GALNT13: variants seen among roughly 807,000 people sequenced by gnomAD.
GALNT13 encodes the protein polypeptide N-acetylgalactosaminyltransferase 13, also known as UDP-GalNAc:polypeptide N-acetylgalactosaminyltransferase 13.
A neutral mutation model predicts 64.2 loss-of-function variants in GALNT13; 28 were observed. The ratio of observed to expected loss-of-function variants is 0.44; its 90% CI spans 0.32 to 0.60. GALNT13 has a LOEUF of 0.60. GALNT13 is among the 20% of genes least tolerant of loss of function. The pLI, the probability that GALNT13 is intolerant of heterozygous loss-of-function variation, is 0.05. For synonymous variants in GALNT13, 214 were observed against 224.6 expected (o/e 0.95, Z 0.42); for missense variants, 577 against 669.8 (o/e 0.86, Z 1.53).
the GALNT13 span, among the ~76,000 whole-genome samples, chr2:153,125,590 G>A: frequency 9.2e-5 from 14 of 152,146 alleles, no homozygotes; most frequent in Non-Finnish European, 1.8e-4. Context: ...TATGAAAAGG[G>A]GCAATTTGTG....
the GALNT13 span, among the ~76,000 whole-genome samples, chr2:153,778,333 G>A: frequency 6.6e-6 from 1 of 152,200 alleles, no homozygotes; most frequent in Non-Finnish European, 1.5e-5. Context: ...TGGGCACCAA[G>A]GCAGGAGTGC....
the GALNT13 span, chr2:153,593,282 G>A: frequency 6.6e-6 from 1 of 152,540 alleles, no homozygotes; most frequent in Non-Finnish European, 1.5e-5. Context: ...TTGCGTGAGA[G>A]CAGAGTGAGG....
chr2:153,741,661 G>A, the GALNT13 span, among the ~76,000 whole-genome samples: 1 of 151,838 alleles, frequency 6.6e-6, no homozygotes, highest in Admixed American at 6.6e-5. Context: ...TATACCACTT[G>A]TATTTTTATT....
the GALNT13 span, among the ~76,000 whole-genome samples, chr2:153,590,328 G>C: frequency 1.8e-4 from 28 of 152,090 alleles, no homozygotes; most frequent in African/African-American, 6.0e-4. Context: ...CAAATAGTGA[G>C]ATTGAATTAG....
At chr2:153,649,438 G>A in the GALNT13 span, among the ~76,000 whole-genome samples, 1 of 150,832 alleles carries the variant, frequency 6.6e-6, no homozygotes, top group Non-Finnish European at 1.5e-5. Flanking sequence ...TTAATTTTTT[G>A]AAGGGTTTTT....
At chr2:153,560,482 C>G in the GALNT13 span, among the ~76,000 whole-genome samples, 4 of 151,888 alleles carry the variant, frequency 2.6e-5, no homozygotes, top group African/African-American at 9.7e-5. Context: ...ATACTTAAAT[C>G]TTAGACTCAT....
the GALNT13 span, among the ~76,000 whole-genome samples, chr2:153,395,051 C>T: frequency 6.6e-6 from 1 of 152,184 alleles, no homozygotes; most frequent in Admixed American, 6.5e-5. Context: ...AGAGACCACT[C>T]TTAGATCCTA....
At chr2:153,115,854 T>C in the GALNT13 span, among the ~76,000 whole-genome samples, 358 of 152,318 alleles carry the variant, frequency 2.4e-3, no homozygotes, top group South Asian at 3.9e-3. Flanking sequence ...AGACTCCTTT[T>C]CTGTGAACCA....
the GALNT13 span, among the ~76,000 whole-genome samples, chr2:153,221,412 C>G: frequency 2.0e-5 from 3 of 152,160 alleles, no homozygotes; most frequent in Non-Finnish European, 2.9e-5. Flanking sequence ...AAAAATACAT[C>G]ATGATAGCAC....
chr2:154,216,128 T>C (rs2105811591), intron 4 of GALNT13, among the ~76,000 whole-genome samples: 1 of 152,246 alleles, frequency 6.6e-6, no homozygotes, highest in East Asian at 1.9e-4. Context: ...ACACATATCC[T>C]TTTGAGCTTC....
At chr2:153,348,261 G>A in the GALNT13 span, among the ~76,000 whole-genome samples, 1 of 152,192 alleles carries the variant, frequency 6.6e-6, no homozygotes, top group Non-Finnish European at 1.5e-5. Context: ...TGCACAGTGT[G>A]GAGTGACATT....
the GALNT13 span, among the ~76,000 whole-genome samples, chr2:153,852,780 A>G: frequency 1.3e-5 from 2 of 152,200 alleles, no homozygotes; most frequent in Admixed American, 6.5e-5. Flanking sequence ...TAACCTAGCT[A>G]TTTAACTGCT....
intron 9 of GALNT13, among the ~76,000 whole-genome samples, chr2:154,370,393 C>T (rs1454810834): frequency 6.6e-6 from 1 of 152,082 alleles, no homozygotes; most frequent in South Asian, 2.1e-4. Context: ...AAAGCATAAA[C>T]AGGAAAACTA....
the GALNT13 span, among the ~76,000 whole-genome samples, chr2:153,723,350 C>T: frequency 1.3e-5 from 2 of 150,698 alleles, no homozygotes; most frequent in East Asian, 3.9e-4. Context: ...CAATATCATA[C>T]TGAATGGGCA....
chr2:153,973,738 G>T lies in GALNT13; in HGVS notation c.142+29099G>T, dbSNP rs1166534392. Among the ~76,000 whole-genome samples the T allele has an allele frequency of 5.9e-5, 9 of 151,980 alleles. No individual in the cohort carries two copies. In the East Asian group the frequency reaches 1.7e-3, roughly 29 times the overall value. ...AATGACTAAACTTTGATGTAGTTTGGACATCCTTTCCTCCTTTTACTTTTT... is the reference window on the plus strand; with the variant it reads ...AATGACTAAACTTTGATGTAGTTTGTACATCCTTTCCTCCTTTTACTTTTT... On this transcript the variant is annotated intron_variant, in intron 3 of 12. Coordinates refer to ENST00000392825, the MANE Select transcript of GALNT13 (RefSeq NM_052917.4).
intron 8 of GALNT13, among the ~76,000 whole-genome samples, chr2:154,277,369 T>C (rs1691706117): frequency 6.6e-6 from 1 of 152,278 alleles, no homozygotes; most frequent in South Asian, 2.1e-4. Flanking sequence ...TGAATCTATG[T>C]ATTTTTTATT....
At chr2:153,790,611 G>A in the GALNT13 span, among the ~76,000 whole-genome samples, 1 of 152,086 alleles carries the variant, frequency 6.6e-6, no homozygotes, top group Non-Finnish European at 1.5e-5. Flanking sequence ...GAGCAATCAG[G>A]CAAGAGGAAG....
chr2:153,718,870 C>T, the GALNT13 span, among the ~76,000 whole-genome samples: 1 of 152,088 alleles, frequency 6.6e-6, no homozygotes, highest in Admixed American at 6.5e-5. Flanking sequence ...TTGAATGGAG[C>T]ATTTAAAGTT....
chr2:153,584,454 G>A, the GALNT13 span, among the ~76,000 whole-genome samples: 1 of 152,136 alleles, frequency 6.6e-6, no homozygotes, highest in Admixed American at 6.6e-5. Context: ...CCATCTACTG[G>A]CCCACACAGC....
Sources: allele counts gnomAD v4.1 joint callset (sites outside exome capture counted in the v4.1 genomes callset), GRCh38; gene constraint gnomAD v4.1.1; transcripts MANE v1.5; gene names NCBI Gene and HGNC (gene_info 2026-07-23, HGNC 2026-07-21).